BZW2: variants seen among roughly 807,000 people sequenced by gnomAD.
BZW2 encodes the protein eIF5-mimic protein 1.
BZW2 carries 23 observed loss-of-function variants against 53.2 expected under a neutral mutation model. The ratio of observed to expected loss-of-function variants is 0.43; its 90% CI spans 0.31 to 0.61. BZW2 has a LOEUF of 0.61. Among genes scored for constraint, BZW2 ranks in the 20% least tolerant of loss-of-function variants. The pLI, the probability that BZW2 is intolerant of heterozygous loss-of-function variation, is 0.09. For synonymous variants in BZW2, 227 were observed against 186.4 expected, an observed-to-expected ratio of 1.22 and a Z score of -1.77; for missense variants, 409 against 503.1, an observed-to-expected ratio of 0.81 and a Z score of 1.79.
intron 3 of BZW2, among the ~76,000 whole-genome samples, chr7:16,676,965 A>C (rs181514188): frequency 1.6e-3 from 246 of 151,982 alleles, no homozygotes; most frequent in Middle Eastern, 6.8e-3. Flanking sequence ...CCACCTCCCC[A>C]TATAAAATTA....
intron 5 of BZW2, among the ~76,000 whole-genome samples, chr7:16,683,871 C>T (rs1783032483): frequency 6.6e-6 from 1 of 152,166 alleles, no homozygotes; most frequent in African/African-American, 2.4e-5. Flanking sequence ...TCCTCCCCAC[C>T]TAACTGCACC....
At position 16,665,506 on chromosome 7, in the gene BZW2, G is replaced by GTT. The variant is rs768980345; in HGVS notation, c.58+6_58+7dup. 3.0e-5 allele frequency: 48 copies of GTT among 1,608,844 alleles called. No homozygotes were observed. In the South Asian group the frequency reaches 3.6e-4, roughly 12 times the overall value. The stretch of plus-strand genomic sequence containing the variant: ...GGTTCAAAACTCGGAAAAGGGGTAG[G>GTT]TTGTGTGTGTGTGTGTGTGTGTGTT... On this transcript the variant is annotated splice_donor_region_variant and intron_variant, in intron 2 of 11. Coordinates refer to ENST00000258761, the MANE Select transcript of BZW2 (RefSeq NM_014038.3).
intron 5 of BZW2, 148 bp from the exon 6 acceptor site, chr7:16,685,757 T>C (rs1783095900): frequency 3.0e-6 from 3 of 1,007,502 alleles, no homozygotes; most frequent in Non-Finnish European, 2.8e-6. Flanking sequence ...AATGAATTAC[T>C]ATGCTTTGCA....
intron 10 of BZW2, among the ~76,000 whole-genome samples, chr7:16,700,232 A>G (rs1008518680): frequency 6.6e-6 from 1 of 152,202 alleles, no homozygotes; most frequent in Non-Finnish European, 1.5e-5. Context: ...TGTTTTCTTA[A>G]GTGAAATGAT....
chr7:16,659,436 G>T (rs1221517709), intron 1 of BZW2, among the ~76,000 whole-genome samples: 1 of 152,100 alleles, frequency 6.6e-6, no homozygotes, highest in African/African-American at 2.4e-5. Context: ...TAGTTAGTTT[G>T]TTGCTTAGAG....
Position 16,676,791 on chromosome 7 carries a change from C to T in BZW2, c.235+2203C>T, listed in dbSNP as rs184690843. Among the ~76,000 whole-genome samples the T allele has an allele frequency of 7.9e-5, 12 of 152,228 alleles. No homozygotes were observed. The East Asian group carries it at 2.1e-3, about 27-fold the overall frequency. ...GCCAAAGTCACATGACTGTAGTAGTCACTTATATGGACCCTTTTCAGACTG... is the reference window on the plus strand; with the variant it reads ...GCCAAAGTCACATGACTGTAGTAGTTACTTATATGGACCCTTTTCAGACTG... On this transcript the variant is annotated intron_variant, in intron 3 of 11. Coordinates refer to ENST00000258761, the MANE Select transcript of BZW2 (RefSeq NM_014038.3).
intron 10 of BZW2, among the ~76,000 whole-genome samples, chr7:16,703,630 G>A (rs911950499): frequency 6.6e-6 from 1 of 152,010 alleles, no homozygotes; most frequent in Admixed American, 6.6e-5. Context: ...TTTCTGTCTC[G>A]TTTCCCACTA....
intron 1 of BZW2, among the ~76,000 whole-genome samples, chr7:16,660,327 G>A (rs1042365286): frequency 4.0e-5 from 6 of 150,928 alleles, no homozygotes; most frequent in Non-Finnish European, 7.4e-5. Context: ...TTGAGCCCAC[G>A]TGGTCGGGGC....
chr7:16,660,400 TAAA>T (rs77517152), intron 1 of BZW2, among the ~76,000 whole-genome samples: 1 of 130,206 alleles, frequency 7.7e-6, no homozygotes, highest in Non-Finnish European at 1.6e-5. Context: ...ACTCCATATT[TAAA>T]AAAAAAAAAA....
intron 3 of BZW2, among the ~76,000 whole-genome samples, chr7:16,676,317 G>A (rs1259080200): frequency 6.6e-6 from 1 of 152,156 alleles, no homozygotes; most frequent in African/African-American, 2.4e-5. Flanking sequence ...GGGAAGCCAA[G>A]GCAGGCAGAT....
rs376412401 is a variant in BZW2, at chr7:16,656,555, GCACACACACACACA to G, written c.-7-8853_-7-8840del. ...ATCAAGCACTCCCCAGCGCGCGCGCGCACACACACACACACACACACACACACACACACACACAC... is the reference window on the plus strand; with the variant it reads ...ATCAAGCACTCCCCAGCGCGCGCGCGCACACACACACACACACACACACAC... On this transcript the variant is annotated intron_variant, in intron 1 of 11. Coordinates refer to ENST00000258761, the MANE Select transcript of BZW2 (RefSeq NM_014038.3). Among the ~76,000 whole-genome samples, 1,014 of 141,298 alleles carry G rather than the reference GCACACACACACACA, an allele frequency of 7.2e-3. 4 individuals carry two copies. Among genetic ancestry groups the G allele is most frequent in the African/African-American group, 0.016 (607 of 37,876 alleles). The allele number at this position is 141,298 out of a possible 152,430, so 92.7% of individuals were successfully genotyped here.
chr7:16,674,296 G>C, intron 2 of BZW2, 116 bp from the exon 3 acceptor site: 1 of 688,166 alleles, frequency 1.5e-6, no homozygotes, highest in Non-Finnish European at 2.2e-6. Flanking sequence ...ATTCTTTGGC[G>C]ATGCTCTGTG....
chr7:16,687,024 A>G (rs1783148398), intron 6 of BZW2: 2 of 152,206 alleles, frequency 1.3e-5, no homozygotes, highest in Admixed American at 1.3e-4. Context: ...AAGTCAACAT[A>G]GAATATAAAT....
At chr7:16,667,559 C>A (rs1782468484) in intron 2 of BZW2, among the ~76,000 whole-genome samples, 1 of 152,150 alleles carries the variant, frequency 6.6e-6, no homozygotes, top group South Asian at 2.1e-4. Context: ...ATTTAAGTAA[C>A]AAGTCTAGTC....
chr7:16,656,561 A>G (rs866728012), intron 1 of BZW2, among the ~76,000 whole-genome samples: 3,238 of 130,708 alleles, frequency 0.025, 81 homozygotes, highest in African/African-American at 0.081. Context: ...GCGCGCACAC[A>G]CACACACACA....
At chr7:16,697,898 C>T in intron 9 of BZW2, 150 bp from the exon 10 acceptor site, 1 of 888,826 alleles carries the variant, frequency 1.1e-6, no homozygotes, top group South Asian at 1.8e-5. Context: ...GTTCCCCTCA[C>T]CCCATTGGGC....
rs189774442 is a variant in BZW2 at position 16,686,998 on chromosome 7, C to G, written c.541+958C>G. On this transcript the variant is annotated intron_variant, in intron 6 of 11. Coordinates refer to ENST00000258761, the MANE Select transcript of BZW2 (RefSeq NM_014038.3). ...ACACACATCTTATTTTTGCTATTAGCCATTTTGCACACAGAAAGTCAACAT... is the reference window on the plus strand; with the variant it reads ...ACACACATCTTATTTTTGCTATTAGGCATTTTGCACACAGAAAGTCAACAT... 3.7e-3 allele frequency: 560 copies of G among 152,172 alleles called. 6 individuals carry two copies. The highest frequency in any genetic ancestry group is 0.013 in the African/African-American group (529 of 41,520). 9.4% of individuals were successfully genotyped at this position (152,172 alleles called of 1,614,324 possible).
At chr7:16,685,230 A>G (rs1446657983) in intron 5 of BZW2, among the ~76,000 whole-genome samples, 1 of 152,192 alleles carries the variant, frequency 6.6e-6, no homozygotes, top group Non-Finnish European at 1.5e-5. Context: ...CAAATTTTCT[A>G]GGGTTGCTAC....
intron 11 of BZW2, among the ~76,000 whole-genome samples, chr7:16,705,481 C>T (rs924313249): frequency 8.6e-5 from 13 of 151,902 alleles, no homozygotes; most frequent in African/African-American, 2.9e-4. Flanking sequence ...GTCGGGAGAT[C>T]GAGACCATCT....
Sources: allele counts gnomAD v4.1 joint callset (sites outside exome capture counted in the v4.1 genomes callset), GRCh38; gene constraint gnomAD v4.1.1; transcripts MANE v1.5; gene names NCBI Gene and HGNC (gene_info 2026-07-23, HGNC 2026-07-21).